The following SKIC3 variants were observed in gnomAD, a reference collection of about 807,000 sequenced individuals.
SKIC3 encodes superkiller complex protein 3.
At chr5:95,525,896 C>T in the SKIC3 span, among the ~76,000 whole-genome samples, 21 of 152,150 alleles carry the variant, frequency 1.4e-4, no homozygotes, top group Non-Finnish European at 2.6e-4. Flanking sequence ...ATAATAAACC[C>T]ACATGTACCC....
chr5:95,536,179 G>T, the SKIC3 span, among the ~76,000 whole-genome samples: 1 of 152,030 alleles, frequency 6.6e-6, no homozygotes, highest in Admixed American at 6.5e-5. Context: ...AGTACATGAA[G>T]ATACAAGAGC....
the SKIC3 span, among the ~76,000 whole-genome samples, chr5:95,492,674 A>AAAAAAAAAAAAAAAAAAG: frequency 7.1e-6 from 1 of 141,044 alleles, no homozygotes; most frequent in Non-Finnish European, 1.5e-5. Context: ...AAAAAAAAAA[A>AAAAAAAAAAAAAAAAAAG]AAAAAAAAAA....
At chr5:95,466,613 G>A in the SKIC3 span, among the ~76,000 whole-genome samples, 5,447 of 152,228 alleles carry the variant, frequency 0.036, 152 homozygotes, top group South Asian at 0.054. Flanking sequence ...ATATAGGCAG[G>A]CAAAAATAGT....
the SKIC3 span, among the ~76,000 whole-genome samples, chr5:95,546,200 C>A: frequency 1.3e-5 from 2 of 151,948 alleles, no homozygotes; most frequent in Non-Finnish European, 2.9e-5. Flanking sequence ...ATCTCCAAAC[C>A]TGAGAAACTG....
chr5:95,524,656 T>G, the SKIC3 span: 1 of 1,599,144 alleles, frequency 6.3e-7, no homozygotes, highest in East Asian at 2.2e-5. Flanking sequence ...ACACGCAATA[T>G]AGGAGACTCC....
At chr5:95,516,531 T>C in the SKIC3 span, 3 of 1,613,392 alleles carry the variant, frequency 1.9e-6, no homozygotes, top group Non-Finnish European at 2.5e-6. Flanking sequence ...TCACAATTTG[T>C]TCTGACTGGA....
At chr5:95,477,657 T>C in the SKIC3 span, among the ~76,000 whole-genome samples, 1 of 152,340 alleles carries the variant, frequency 6.6e-6, no homozygotes, top group South Asian at 2.1e-4. Context: ...TATGTTTCCA[T>C]ATAATTACAT....
the SKIC3 span, among the ~76,000 whole-genome samples, chr5:95,551,950 G>A: frequency 6.6e-6 from 1 of 151,838 alleles, no homozygotes; most frequent in South Asian, 2.1e-4. Context: ...AAAACAACTA[G>A]TGTGATAACT....
chr5:95,516,421 A>C, the SKIC3 span: 1 of 1,613,098 alleles, frequency 6.2e-7, no homozygotes. Flanking sequence ...TAAAAAACAT[A>C]ACATTTTTTT....
chr5:95,521,947 T>C, the SKIC3 span: 4 of 1,440,284 alleles, frequency 2.8e-6, no homozygotes, highest in African/African-American at 2.8e-5. Flanking sequence ...TGCTGTTGAC[T>C]AAAGAAGTCC....
chr5:95,506,796 C>A, the SKIC3 span: 2 of 877,534 alleles, frequency 2.3e-6, no homozygotes, highest in South Asian at 1.5e-5. Context: ...AAACTGTTAA[C>A]AGAGCCTGTT....
chr5:95,521,024 C>G, the SKIC3 span, among the ~76,000 whole-genome samples: 2 of 151,952 alleles, frequency 1.3e-5, no homozygotes, highest in African/African-American at 4.8e-5. Context: ...TAAACATGCA[C>G]TAGAAGTTAT....
chr5:95,512,679 TAAG>T, the SKIC3 span: 88 of 1,595,698 alleles, frequency 5.5e-5, no homozygotes, highest in Admixed American at 5.2e-4. Flanking sequence ...AAAATTATAA[TAAG>T]AAGTAAAACA....
At chr5:95,527,872 A>C in the SKIC3 span, 1 of 861,828 alleles carries the variant, frequency 1.2e-6, no homozygotes, top group Non-Finnish European at 1.9e-6. Flanking sequence ...TGTATGAATG[A>C]CTTATAAAAG....
chr5:95,480,548 A>G, the SKIC3 span, among the ~76,000 whole-genome samples: 1 of 152,182 alleles, frequency 6.6e-6, no homozygotes, highest in Non-Finnish European at 1.5e-5. Flanking sequence ...AAACATGACA[A>G]TCTAGCAATA....
chr5:95,505,982 G>A, the SKIC3 span, among the ~76,000 whole-genome samples: 1 of 152,072 alleles, frequency 6.6e-6, no homozygotes, highest in African/African-American at 2.4e-5. Context: ...TCAATGGAAG[G>A]TATATATTTT....
At chr5:95,539,451 T>A in the SKIC3 span, among the ~76,000 whole-genome samples, 1 of 152,098 alleles carries the variant, frequency 6.6e-6, no homozygotes, top group Non-Finnish European at 1.5e-5. Context: ...AAAAAATAGA[T>A]GTTGGTGTGG....
the SKIC3 span, chr5:95,541,441 C>G: frequency 6.6e-7 from 1 of 1,519,114 alleles, no homozygotes; most frequent in Non-Finnish European, 9.1e-7. Context: ...ATAAAAATAA[C>G]CAAGGACTTA....
At chr5:95,496,264 C>T in the SKIC3 span, among the ~76,000 whole-genome samples, 1 of 152,106 alleles carries the variant, frequency 6.6e-6, no homozygotes, top group East Asian at 1.9e-4. Context: ...GTAATCCCCC[C>T]TCCTTGGCCT....
Sources: gnomAD v4.1 joint callset for allele counts (sites outside exome capture counted in the v4.1 genomes callset) on GRCh38, gnomAD v4.1.1 for gene constraint, MANE v1.5 for transcripts, NCBI Gene and HGNC (gene_info 2026-07-23, HGNC 2026-07-21) for gene names.